PIGN: variants seen among roughly 807,000 people sequenced by gnomAD.
PIGN encodes GPI ethanolamine phosphate transferase 1.
PIGN carries 117 observed loss-of-function variants against 125.4 expected under a neutral mutation model. The ratio of observed to expected loss-of-function variants is 0.93; its 90% CI spans 0.80 to 1.09. The LOEUF (loss-of-function observed/expected upper bound fraction) is 1.09, where lower values mean the gene tolerates loss of function less well. PIGN is among the 50% of genes least tolerant of loss of function. PIGN has a pLI of 0.00. For missense variants in PIGN, 1,075 were observed against 1,094.9 expected, an observed-to-expected ratio of 0.98 and a Z score of 0.26; for synonymous variants, 392 against 377.8, an observed-to-expected ratio of 1.04 and a Z score of -0.44.
intron 24 of PIGN, among the ~76,000 whole-genome samples, chr18:62,089,065 C>T (rs2033843576): frequency 6.6e-6 from 1 of 152,008 alleles, no homozygotes; most frequent in Non-Finnish European, 1.5e-5. Flanking sequence ...ATATAGAACA[C>T]AGTTGTAGTG....
intron 13 of PIGN, 125 bp from the exon 14 acceptor site, chr18:62,138,423 G>T (rs2036013736): frequency 7.7e-7 from 1 of 1,294,770 alleles, no homozygotes; most frequent in Non-Finnish European, 1.0e-6. Flanking sequence ...GGAATTTTAT[G>T]TTACTATATT....
intron 1 of PIGN, among the ~76,000 whole-genome samples, chr18:62,185,412 CT>C (rs934591900): frequency 1.4e-4 from 21 of 151,244 alleles, no homozygotes; most frequent in African/African-American, 3.9e-4. Context: ...ATTCTTGGTA[CT>C]TTTTTTTTAA....
At chr18:62,093,008 C>T (rs2034032369) in intron 23 of PIGN, among the ~76,000 whole-genome samples, 1 of 152,016 alleles carries the variant, frequency 6.6e-6, no homozygotes, top group Non-Finnish European at 1.5e-5. Context: ...TATTTTATAG[C>T]AGCTTATAAC....
chr18:62,129,787 C>G (rs1332183723), intron 14 of PIGN, among the ~76,000 whole-genome samples: 3 of 152,170 alleles, frequency 2.0e-5, no homozygotes, highest in African/African-American at 7.2e-5. Flanking sequence ...TCTGCAATGG[C>G]TGAAATGATG....
chr18:62,034,545 C>T (rs978813095), intron 23 of PIGN, among the ~76,000 whole-genome samples: 1 of 152,176 alleles, frequency 6.6e-6, no homozygotes, highest in Non-Finnish European at 1.5e-5. Context: ...CTGCCCAAGG[C>T]CGTGGGAGCC....
chr18:62,156,689 A>G (rs1008047323), intron 6 of PIGN, among the ~76,000 whole-genome samples: 1 of 152,214 alleles, frequency 6.6e-6, no homozygotes, highest in Non-Finnish European at 1.5e-5. Flanking sequence ...CCAAAGTATA[A>G]TGAACCACAC....
intron 30 of PIGN, among the ~76,000 whole-genome samples, chr18:62,064,040 C>A (rs1264490063): frequency 6.6e-6 from 1 of 152,054 alleles, no homozygotes; most frequent in Non-Finnish European, 1.5e-5. Flanking sequence ...AACAAATCTG[C>A]ACGTTGTGCA....
intron 1 of PIGN, among the ~76,000 whole-genome samples, chr18:62,175,842 AG>A (rs2037506342): frequency 6.6e-6 from 1 of 152,226 alleles, no homozygotes; most frequent in African/African-American, 2.4e-5. Flanking sequence ...CAGTTAATGT[AG>A]CATCAAGTCA....
At chr18:62,139,831 C>A (rs1005379178) in intron 12 of PIGN, among the ~76,000 whole-genome samples, 4 of 152,140 alleles carry the variant, frequency 2.6e-5, no homozygotes, top group African/African-American at 9.7e-5. Context: ...AACAGCTCTG[C>A]CATGGGATCA....
chr18:62,157,504 GA>G (rs1328461276), intron 5 of PIGN, among the ~76,000 whole-genome samples, 182 bp downstream of exon 5: 2 of 152,126 alleles, frequency 1.3e-5, no homozygotes, highest in African/African-American at 4.8e-5. Context: ...ACAGGATAAT[GA>G]AATACTAAAG....
intron 7 of PIGN, among the ~76,000 whole-genome samples, chr18:62,151,555 C>T (rs1292481236): frequency 6.6e-6 from 1 of 152,172 alleles, no homozygotes; most frequent in Non-Finnish European, 1.5e-5. Flanking sequence ...ACTGTGCATG[C>T]GGGCGCCCCA....
chr18:62,053,047 A>C (rs990226439), intron 30 of PIGN: 17 of 314,402 alleles, frequency 5.4e-5, no homozygotes, highest in African/African-American at 3.7e-4. Flanking sequence ...AAAGACAATA[A>C]GTTTTCCTTG....
intron 14 of PIGN, among the ~76,000 whole-genome samples, chr18:62,118,073 T>C (rs2035157614): frequency 6.6e-6 from 1 of 152,130 alleles, no homozygotes; most frequent in Admixed American, 6.6e-5. Flanking sequence ...AATATATTGA[T>C]TTCCTTTCTT....
At chr18:62,031,476 A>T (rs541905804) in intron 23 of PIGN, among the ~76,000 whole-genome samples, 11 of 152,324 alleles carry the variant, frequency 7.2e-5, no homozygotes, top group Non-Finnish European at 1.6e-4. Context: ...GAACCTTCTG[A>T]GTCCACTGAA....
intron 1 of PIGN, chr18:62,186,250 CA>C (rs1445105872): frequency 6.6e-6 from 1 of 152,110 alleles, no homozygotes; most frequent in East Asian, 1.9e-4. Context: ...GGGGTTTCAC[CA>C]TGTTGGTCAG....
chr18:62,111,396 T>C (rs1484738206), intron 16 of PIGN, among the ~76,000 whole-genome samples: 3 of 152,178 alleles, frequency 2.0e-5, no homozygotes, highest in Non-Finnish European at 4.4e-5. Context: ...AACCTCTCCC[T>C]AGATTCTGAC....
rs1169091077 is a variant in PIGN at position 62,043,884 on chromosome 18, A to G, written c.*1972T>C. 6.6e-6 allele frequency: 1 copy of G among 152,252 alleles called. No homozygotes were observed. The highest frequency in any genetic ancestry group is 1.5e-5 in the Non-Finnish European group (1 of 68,038). The allele number at this position is 152,252 out of a possible 1,614,324, so 9.4% of individuals were successfully genotyped here. ...TGATTCAGAAATCTATGGCATAGGT[A>G]GAATGAAAAAATAAATACCTTAAAT... On this transcript the variant is annotated 3_prime_UTR_variant, in exon 31 of 31. Coordinates refer to ENST00000640252, the MANE Select transcript of PIGN (RefSeq NM_176787.5).
At chr18:62,162,533 A>T (rs1328039189) in intron 2 of PIGN, 1 of 152,162 alleles carries the variant, frequency 6.6e-6, no homozygotes, top group Non-Finnish European at 1.5e-5. Flanking sequence ...CAAATGAAAC[A>T]TTGGAAAAAC....
intron 17 of PIGN, 118 bp downstream of exon 17, chr18:62,109,716 G>T: frequency 1.3e-6 from 1 of 782,798 alleles, no homozygotes; most frequent in East Asian, 2.6e-5. Context: ...CTGGAGGTTT[G>T]AAAGTACAGT....
Sources: gnomAD v4.1 joint callset for allele counts (sites outside exome capture counted in the v4.1 genomes callset) on GRCh38, gnomAD v4.1.1 for gene constraint, MANE v1.5 for transcripts, NCBI Gene and HGNC (gene_info 2026-07-23, HGNC 2026-07-21) for gene names.